PTCHD4: variants seen among roughly 807,000 people sequenced by gnomAD.
PTCHD4 encodes patched domain containing 4, also known as patched domain-containing protein 4.
A neutral mutation model predicts 58.1 loss-of-function variants in PTCHD4; 33 were observed. The ratio of observed to expected loss-of-function variants is 0.57; its 90% CI spans 0.43 to 0.76. The LOEUF is 0.76. Ranked by LOEUF, PTCHD4 falls within the 30% of genes least tolerant of loss-of-function variation. The pLI is 0.00. For synonymous variants in PTCHD4, 478 were observed against 409.6 expected (o/e 1.17, Z -2.02); for missense variants, 1,058 against 1,027.1 (o/e 1.03, Z -0.41).
chr6:47,936,663 T>C (rs1359888833), intron 4 of PTCHD4, among the ~76,000 whole-genome samples: 3 of 152,220 alleles, frequency 2.0e-5, no homozygotes, highest in African/African-American at 7.2e-5. Flanking sequence ...TCCTTGTTCA[T>C]TTTTTAAACA....
intron 3 of PTCHD4, among the ~76,000 whole-genome samples, chr6:48,049,830 C>T (rs1764168041): frequency 6.6e-6 from 1 of 151,930 alleles, no homozygotes; most frequent in Non-Finnish European, 1.5e-5. Flanking sequence ...AATGTTTATT[C>T]ACCATATCTT....
chr6:48,110,008 T>C (rs979820799), intron 1 of PTCHD4, among the ~76,000 whole-genome samples: 7 of 152,102 alleles, frequency 4.6e-5, no homozygotes, highest in Non-Finnish European at 7.4e-5. Flanking sequence ...TATACAACTG[T>C]TGGAAATGTA....
In PTCHD4 at chr6:47,870,978, A is replaced by C. The variant is rs1763699629; in HGVS notation, c.*7325T>G. On this transcript the variant is annotated 3_prime_UTR_variant, in exon 5 of 5. Transcript: ENST00000339488. The stretch of plus-strand genomic sequence containing the variant: ...CATCTGGAATTGATGGTTTGCCATG[A>C]GGTTTGTAGTGTTAATACATCAAAG... 6.6e-6 allele frequency among the ~76,000 whole-genome samples: 1 copy of C among 151,602 alleles called. No individual in the cohort carries two copies. Among genetic ancestry groups the C allele is most frequent in the Admixed American group, 6.6e-5 (1 of 15,178 alleles).
intron 4 of PTCHD4, among the ~76,000 whole-genome samples, chr6:47,934,214 A>G (rs1210202640): frequency 6.6e-6 from 1 of 152,118 alleles, no homozygotes; most frequent in Non-Finnish European, 1.5e-5. Flanking sequence ...TCCTGTGTGG[A>G]ACCTGGATTC....
At chr6:48,008,571 A>C in intron 4 of PTCHD4, 63 bp downstream of exon 4, 2 of 1,519,722 alleles carry the variant, frequency 1.3e-6, no homozygotes, top group Non-Finnish European at 1.8e-6. Flanking sequence ...CTGAGAATTC[A>C]AGAAATATAC....
At chr6:47,993,173 A>G (rs989521729) in intron 4 of PTCHD4, among the ~76,000 whole-genome samples, 3 of 152,226 alleles carry the variant, frequency 2.0e-5, no homozygotes, top group Non-Finnish European at 4.4e-5. Context: ...AGTAAATGAA[A>G]AAAATAGCCA....
intron 4 of PTCHD4, among the ~76,000 whole-genome samples, chr6:47,895,033 G>T (rs545212519): frequency 1.7e-4 from 26 of 152,286 alleles, no homozygotes; most frequent in African/African-American, 6.3e-4. Flanking sequence ...ACTGGGGGAG[G>T]CTGAGGCAGG....
intron 4 of PTCHD4, among the ~76,000 whole-genome samples, chr6:47,994,523 A>G (rs966424622): frequency 1.3e-5 from 2 of 152,196 alleles, no homozygotes; most frequent in East Asian, 1.9e-4. Flanking sequence ...GAGAAAACCA[A>G]TCAGTGATTC....
chr6:48,085,084 C>T (rs11965037), intron 1 of PTCHD4, among the ~76,000 whole-genome samples: 1 of 151,750 alleles, frequency 6.6e-6, no homozygotes, highest in Non-Finnish European at 1.5e-5. Context: ...AGTCTGGGCC[C>T]TGAGCTCACA....
In PTCHD4 at chr6:47,912,695, G is replaced by A. The variant is rs540973597; in HGVS notation, c.899-32759C>T. Among the ~76,000 whole-genome samples, 352 of 152,074 alleles carry A rather than the reference G, an allele frequency of 2.3e-3. 1 individual carries two copies. Among genetic ancestry groups the A allele is most frequent in the South Asian group, 0.013 (64 of 4,824 alleles). On this transcript the variant is annotated intron_variant, in intron 4 of 4. Transcript: ENST00000339488. The stretch of plus-strand genomic sequence containing the variant: ...TAATTGATGAACTGTAACAATAGTA[G>A]GGAGATAATTTGAGGTAAAATAAAC...
intron 3 of PTCHD4, among the ~76,000 whole-genome samples, chr6:48,051,996 G>C (rs1378857255): frequency 6.6e-6 from 1 of 151,860 alleles, no homozygotes; most frequent in African/African-American, 2.4e-5. Context: ...TAGATTGTAG[G>C]TTTCTGAAAA....
At chr6:48,090,472 G>C (rs1320938882) in intron 1 of PTCHD4, among the ~76,000 whole-genome samples, 1 of 151,968 alleles carries the variant, frequency 6.6e-6, no homozygotes, top group East Asian at 1.9e-4. Flanking sequence ...AGATATTTTT[G>C]GTGCCATTTT....
Position 47,879,547 on chromosome 6 carries a change from T to A in PTCHD4, c.1288A>T (p.Thr430Ser). The A allele has an allele frequency of 3.1e-6, 5 of 1,613,728 alleles. No homozygotes were observed. The highest frequency in any genetic ancestry group is 4.2e-6 in the Non-Finnish European group (5 of 1,179,766). ...TAGGGGTTCGTCTCATGATGGGACG[T>A]CTGTTGATGCCCATCACTCATCACT... ...QTVMSDGHQQ[T>S]SHHETNPYQH... The change falls in exon 5 of 5, where the codon ACG becomes TCG. Residue 430 changes from threonine (T) to serine (S), a missense_variant. Transcript: ENST00000339488.
intron 1 of PTCHD4, among the ~76,000 whole-genome samples, chr6:48,108,300 A>G (rs549044517): frequency 1.6e-4 from 24 of 152,304 alleles, no homozygotes; most frequent in Admixed American, 1.4e-3. Context: ...TGTCCTTTGT[A>G]GGGACATGGA....
In PTCHD4 at chr6:47,950,400, G is replaced by A. The variant is rs1182300446; in HGVS notation, c.898+58234C>T. Among the ~76,000 whole-genome samples, 3 of 152,236 alleles carry A rather than the reference G, an allele frequency of 2.0e-5. No individual in the cohort carries two copies. In the East Asian group the frequency reaches 5.8e-4, roughly 29 times the overall value. On this transcript the variant is annotated intron_variant, in intron 4 of 4. Transcript: ENST00000339488. ...CAATAATTATAATCTTGCTAGTGAG[G>A]AACAGTGTAGGTAGGAAGAAGTAGC...
chr6:47,982,613 C>T (rs906893622), intron 4 of PTCHD4, among the ~76,000 whole-genome samples: 7 of 151,916 alleles, frequency 4.6e-5, no homozygotes, highest in African/African-American at 1.5e-4. Context: ...CTCAGCCTCC[C>T]GAGTAGCTGG....
In PTCHD4 at chr6:47,868,934, T is replaced by C. The variant is rs1200494186; in HGVS notation, c.*9369A>G. On this transcript the variant is annotated 3_prime_UTR_variant, in exon 5 of 5. Coordinates refer to ENST00000339488, the MANE Select transcript of PTCHD4 (RefSeq NM_001384253.1). ...CATTTCCAGGAAAGACATAAAGGCA[T>C]CCTTGTTTTTAAGAAAACATACGGC... Among the ~76,000 whole-genome samples the C allele has an allele frequency of 4.6e-5, 7 of 151,714 alleles. No homozygotes were observed. The highest frequency in any genetic ancestry group is 1.7e-4 in the African/African-American group (7 of 41,364).
chr6:48,065,705 C>T (rs1018003213), intron 3 of PTCHD4, among the ~76,000 whole-genome samples: 1 of 152,100 alleles, frequency 6.6e-6, no homozygotes, highest in Non-Finnish European at 1.5e-5. Flanking sequence ...TGTGTTTGAA[C>T]ACTTGAGAGG....
chr6:47,960,652 A>G (rs1767048180), intron 4 of PTCHD4, among the ~76,000 whole-genome samples: 1 of 152,100 alleles, frequency 6.6e-6, no homozygotes, highest in African/African-American at 2.4e-5. Flanking sequence ...AATACATTAG[A>G]AAAACATAAT....
Sources: gnomAD v4.1 joint callset for allele counts (sites outside exome capture counted in the v4.1 genomes callset) on GRCh38, gnomAD v4.1.1 for gene constraint, MANE v1.5 for transcripts, NCBI Gene and HGNC (gene_info 2026-07-23, HGNC 2026-07-21) for gene names.